NAALADL2: variants seen among roughly 807,000 people sequenced by gnomAD.
The protein encoded by NAALADL2 is N-acetylated alpha-linked acidic dipeptidase like 2, also known as inactive N-acetylated-alpha-linked acidic dipeptidase-like protein 2.
A neutral mutation model predicts 87.2 loss-of-function variants in NAALADL2; 76 were observed. The ratio of observed to expected loss-of-function variants is 0.87; its 90% CI spans 0.72 to 1.05. The LOEUF is 1.05. Among genes scored for constraint, NAALADL2 ranks in the 50% least tolerant of loss-of-function variants. The pLI, the probability that NAALADL2 is intolerant of heterozygous loss-of-function variation, is 0.00. For missense variants in NAALADL2, 1,089 were observed against 945.8 expected, an observed-to-expected ratio of 1.15 and a Z score of -1.99; for synonymous variants, 354 against 331.0, an observed-to-expected ratio of 1.07 and a Z score of -0.75.
intron 9 of NAALADL2, among the ~76,000 whole-genome samples, chr3:175,513,410 G>A (rs1731424656): frequency 6.6e-6 from 1 of 152,132 alleles, no homozygotes; most frequent in Non-Finnish European, 1.5e-5. Context: ...CTACTCTGCA[G>A]AGCAGCATAA....
intron 11 of NAALADL2, among the ~76,000 whole-genome samples, chr3:175,696,674 A>T (rs1025315316): frequency 4.6e-5 from 7 of 152,146 alleles, no homozygotes; most frequent in African/African-American, 1.7e-4. Context: ...GGTTCAAGAC[A>T]CTCATTTAAG....
At chr3:175,017,112 T>A (rs1750924576) in intron 1 of NAALADL2, among the ~76,000 whole-genome samples, 1 of 152,064 alleles carries the variant, frequency 6.6e-6, no homozygotes, top group Non-Finnish European at 1.5e-5. Flanking sequence ...AGAATGGGTG[T>A]GGTAGAAATA....
intron 1 of NAALADL2, among the ~76,000 whole-genome samples, chr3:174,951,063 A>G (rs73176703): frequency 6.6e-6 from 1 of 152,046 alleles, no homozygotes; most frequent in Non-Finnish European, 1.5e-5. Flanking sequence ...TATTTCTGTA[A>G]TAAAGAAAAA....
rs77151052 is a variant in NAALADL2, at chr3:174,896,292, C to T, written c.43+36842C>T. Among the ~76,000 whole-genome samples the T allele has an allele frequency of 6.7e-3, 1,019 of 152,068 alleles. 10 individuals carry two copies. Among genetic ancestry groups the T allele is most frequent in the African/African-American group, 0.023 (958 of 41,482 alleles). On this transcript the variant is annotated intron_variant, in intron 1 of 13. Transcript: ENST00000454872. The stretch of plus-strand genomic sequence containing the variant: ...TATATTTGAAAAAACCTAATGACTC[C>T]ACAAGAAAATTATTAGAACTGATAA...
chr3:175,569,064 AT>A (rs1398927944), intron 9 of NAALADL2, among the ~76,000 whole-genome samples: 1 of 152,082 alleles, frequency 6.6e-6, no homozygotes, highest in African/African-American at 2.4e-5. Flanking sequence ...AAAGATTTTT[AT>A]TTTTTTCTGG....
chr3:175,070,679 T>C (rs75834376), intron 1 of NAALADL2, among the ~76,000 whole-genome samples: 16,982 of 152,110 alleles, frequency 0.11, 1,079 homozygotes, highest in East Asian at 0.21. Flanking sequence ...AATAGACTTA[T>C]ATTATTTCAG....
chr3:175,679,805 G>A (rs1735341655), intron 11 of NAALADL2, among the ~76,000 whole-genome samples: 1 of 152,086 alleles, frequency 6.6e-6, no homozygotes, highest in Admixed American at 6.6e-5. Context: ...AATTGCTTAT[G>A]TCATGCATTT....
intron 2 of NAALADL2, among the ~76,000 whole-genome samples, chr3:174,697,981 C>T (rs1199516325): frequency 6.6e-6 from 1 of 152,056 alleles, no homozygotes; most frequent in Non-Finnish European, 1.5e-5. Flanking sequence ...GTCCCTGCTA[C>T]TCAGGAGGCT....
chr3:174,584,936 C>A (rs886421920), intron 2 of NAALADL2, among the ~76,000 whole-genome samples: 3 of 152,130 alleles, frequency 2.0e-5, no homozygotes, highest in Non-Finnish European at 4.4e-5. Context: ...GTTTTACCCT[C>A]ATGCTCTTTT....
intron 11 of NAALADL2, among the ~76,000 whole-genome samples, chr3:175,679,249 A>G (rs1022867018): frequency 3.3e-5 from 5 of 151,724 alleles, no homozygotes; most frequent in Non-Finnish European, 5.9e-5. Context: ...AGGCCTGACA[A>G]CATGTACCCT....
chr3:174,610,569 T>TCACCATCA (rs1481219202), intron 2 of NAALADL2, among the ~76,000 whole-genome samples: 1 of 152,134 alleles, frequency 6.6e-6, no homozygotes, highest in Non-Finnish European at 1.5e-5. Context: ...GAAAAAATGC[T>TCACCATCA]CACCATCACT....
intron 9 of NAALADL2, among the ~76,000 whole-genome samples, chr3:175,535,268 A>G (rs1734660685): frequency 6.6e-6 from 1 of 152,240 alleles, no homozygotes; most frequent in South Asian, 2.1e-4. Context: ...TGGATAAAAA[A>G]GGACATACAA....
intron 2 of NAALADL2, among the ~76,000 whole-genome samples, chr3:175,157,798 C>G (rs1732546930): frequency 6.6e-6 from 1 of 151,990 alleles, no homozygotes; most frequent in Non-Finnish European, 1.5e-5. Flanking sequence ...AGATGTAATT[C>G]AATGCATTTC....
In NAALADL2 at chr3:175,786,529, G is replaced by A. The variant is rs370708809; in HGVS notation, c.2190-16476G>A. On this transcript the variant is annotated intron_variant, in intron 13 of 13. Transcript: ENST00000454872. Reference sequence around the variant, plus strand: ...CTTCTGCATTCTTCACGTAGTTCTCGAGCCTTGGTTTTCAGCTCCATCAGC... The same window carrying A: ...CTTCTGCATTCTTCACGTAGTTCTCAAGCCTTGGTTTTCAGCTCCATCAGC... Among the ~76,000 whole-genome samples the A allele has an allele frequency of 1.4e-3, 219 of 152,058 alleles. 5 individuals carry two copies. Among genetic ancestry groups the A allele is most frequent in the African/African-American group, 2.3e-3 (97 of 41,470 alleles).
intron 2 of NAALADL2, among the ~76,000 whole-genome samples, chr3:174,658,020 A>C (rs1725142993): frequency 6.6e-6 from 1 of 152,176 alleles, no homozygotes; most frequent in Non-Finnish European, 1.5e-5. Context: ...CAGTTTATTC[A>C]TTCACCTACT....
chr3:174,983,938 A>G (rs9848128), intron 1 of NAALADL2, among the ~76,000 whole-genome samples: 11,378 of 152,186 alleles, frequency 0.075, 932 homozygotes, highest in African/African-American at 0.2. Context: ...AAAAAACTTG[A>G]TGAATACATA....
chr3:174,914,359 G>A (rs1057175582), intron 1 of NAALADL2, among the ~76,000 whole-genome samples: 9 of 151,964 alleles, frequency 5.9e-5, no homozygotes, highest in African/African-American at 2.2e-4. Flanking sequence ...CACCATGCCC[G>A]GCCTGGCTTT....
intron 4 of NAALADL2, among the ~76,000 whole-genome samples, chr3:175,321,073 T>C (rs1487964979): frequency 1.1e-4 from 17 of 150,696 alleles, no homozygotes; most frequent in African/African-American, 4.1e-4. Context: ...TGAACATTGA[T>C]GCAAAAATCC....
intron 2 of NAALADL2, among the ~76,000 whole-genome samples, chr3:174,659,563 C>T (rs1048718271): frequency 2.6e-5 from 4 of 152,098 alleles, no homozygotes; most frequent in African/African-American, 4.8e-5. Flanking sequence ...ATTCATTCTC[C>T]TTCTCTCTGC....
Sources: allele counts gnomAD v4.1 joint callset (sites outside exome capture counted in the v4.1 genomes callset), GRCh38; gene constraint gnomAD v4.1.1; transcripts MANE v1.5; gene names NCBI Gene and HGNC (gene_info 2026-07-23, HGNC 2026-07-21).